Variants in SCARB2 observed in about 807,000 individuals in gnomAD.
The protein encoded by SCARB2 is scavenger receptor class B member 2, also known as lysosome membrane protein 2.
Under a neutral mutation model 58.6 loss-of-function variants are expected in SCARB2, and 29 were observed. The ratio of observed to expected loss-of-function variants is 0.49; its 90% CI spans 0.37 to 0.67. The LOEUF is 0.67. SCARB2 is among the 30% of genes least tolerant of loss of function. The probability of loss-of-function intolerance (pLI) is 0.00; values close to 1 mark genes in which losing one functional copy is unlikely to be tolerated. For missense variants in SCARB2, 488 were observed against 578.5 expected, an observed-to-expected ratio of 0.84 and a Z score of 1.60; for synonymous variants, 195 against 210.1, an observed-to-expected ratio of 0.93 and a Z score of 0.62.
chr4:76,231,121 T>C lies in SCARB2; in HGVS notation c.-358+3182A>G, dbSNP rs192427439. 7.4e-3 allele frequency among the ~76,000 whole-genome samples: 1,125 copies of C among 152,280 alleles called. 7 individuals are homozygous for C. Among genetic ancestry groups the C allele is most frequent in the Middle Eastern group, 0.02 (6 of 294 alleles). On this transcript the variant is annotated intron_variant, in intron 1 of 11. Coordinates refer to the SCARB2 transcript ENST00000638295. ...ACCGTAGAACTGAGTCCTCCTCCAA[T>C]AAGGGAGAGGAAAGGATGTCTTGTG... is the stretch of plus-strand genomic sequence containing the variant.
intron 9 of SCARB2, 150 bp downstream of exon 9, chr4:76,168,253 A>T: frequency 2.8e-6 from 2 of 719,860 alleles, no homozygotes; most frequent in South Asian, 3.0e-5. Context: ...AGACCAAGGC[A>T]CCCATGAAAA....
intron 3 of SCARB2, chr4:76,180,056 A>ACGGCG: frequency 3.2e-6 from 1 of 315,398 alleles, no homozygotes; most frequent in South Asian, 3.0e-5. Context: ...GGCTCATTAT[A>ACGGCG]AACCCGACCT....
At chr4:76,205,144 A>G (rs1435961269) in intron 1 of SCARB2, among the ~76,000 whole-genome samples, 3 of 152,098 alleles carry the variant, frequency 2.0e-5, no homozygotes, top group South Asian at 4.1e-4. Context: ...TGGGCAACAC[A>G]GCAAGACCCC....
Position 76,159,563 on chromosome 4 carries a change from A to G in SCARB2, c.*2150T>C, listed in dbSNP as rs1328817937. 2.0e-5 allele frequency: 3 copies of G among 152,252 alleles called. No individual in the cohort carries two copies. The highest frequency in any genetic ancestry group is 7.2e-5 in the African/African-American group (3 of 41,440). 9.4% of individuals were successfully genotyped at this position (152,252 alleles called of 1,614,324 possible). On this transcript the variant is annotated 3_prime_UTR_variant, in exon 12 of 12. Transcript: ENST00000264896. ...ATGGTGAAACCCCGTCTCCACTAAA[A>G]ATACAAAATTTAGCTGGGCGTGGTG...
intron 7 of SCARB2, among the ~76,000 whole-genome samples, chr4:76,170,842 C>T (rs533443299): frequency 4.0e-4 from 61 of 151,802 alleles, no homozygotes; most frequent in African/African-American, 1.4e-3. Context: ...TAAGAGTTAG[C>T]CTGGTTGTGC....
chr4:76,176,309 G>T lies in SCARB2; in HGVS notation c.704+128C>A, dbSNP rs1732250422. 16 of 654,658 alleles carry T rather than the reference G, an allele frequency of 2.4e-5. No homozygotes were observed. The South Asian group carries it at 3.0e-4, about 12-fold the overall frequency. 40.6% of individuals were successfully genotyped at this position (654,658 alleles called of 1,614,324 possible). ...TTGATTTGTAGAATAATAATTACAA[G>T]ACTATTTACATGTTTTTATATTTTT... On this transcript the variant is annotated intron_variant, in intron 5 of 11. Transcript: ENST00000264896.
At chr4:76,206,225 G>C (rs1214942574) in intron 1 of SCARB2, among the ~76,000 whole-genome samples, 1 of 152,156 alleles carries the variant, frequency 6.6e-6, no homozygotes, top group African/African-American at 2.4e-5. Flanking sequence ...CTAGCCTCCA[G>C]AACTGTAAGA....
At chr4:76,186,239 G>A (rs1732482667) in intron 2 of SCARB2, among the ~76,000 whole-genome samples, 1 of 152,006 alleles carries the variant, frequency 6.6e-6, no homozygotes, top group South Asian at 2.1e-4. Flanking sequence ...TTCTGCAGGT[G>A]GGAGGGTGAA....
chr4:76,207,393 T>C (rs972900072), intron 1 of SCARB2, among the ~76,000 whole-genome samples: 2 of 152,190 alleles, frequency 1.3e-5, no homozygotes, highest in African/African-American at 2.4e-5. Context: ...GGAGTTTAAA[T>C]TGGATTATAA....
At chr4:76,216,048 T>C (rs950703028), upstream of SCARB2, among the ~76,000 whole-genome samples, 2 of 152,126 alleles carry the variant, frequency 1.3e-5, no homozygotes, top group Non-Finnish European at 2.9e-5. Context: ...TGTGTTCAAA[T>C]AGAACCTGGT....
At chr4:76,215,000 G>A (rs1009107149), upstream of SCARB2, among the ~76,000 whole-genome samples, 2 of 152,212 alleles carry the variant, frequency 1.3e-5, no homozygotes, top group African/African-American at 4.8e-5. Flanking sequence ...ATTGGGGTGG[G>A]GAATCCTTTA....
At chr4:76,201,075 T>C (rs1732820069) in intron 1 of SCARB2, among the ~76,000 whole-genome samples, 1 of 152,192 alleles carries the variant, frequency 6.6e-6, no homozygotes, top group South Asian at 2.1e-4. Flanking sequence ...GTCGCTGTCT[T>C]TTCCTGGTAG....
intron 1 of SCARB2, among the ~76,000 whole-genome samples, chr4:76,210,541 G>A (rs1203676049): frequency 6.6e-6 from 1 of 152,232 alleles, no homozygotes; most frequent in Non-Finnish European, 1.5e-5. Flanking sequence ...CTCTCTTCAT[G>A]AAGGCCCAAA....
intron 1 of SCARB2, among the ~76,000 whole-genome samples, chr4:76,210,330 T>C (rs1393038670): frequency 1.3e-5 from 2 of 152,198 alleles, no homozygotes; most frequent in Non-Finnish European, 2.9e-5. Context: ...AAAAAAATGT[T>C]TGATTCAGTT....
At chr4:76,161,776 A>G in intron 11 of SCARB2, 25 bp from the exon 12 acceptor site, 2 of 1,613,760 alleles carry the variant, frequency 1.2e-6, no homozygotes, top group Non-Finnish European at 1.7e-6. Context: ...AGAGAAAACA[A>G]GTTAGATGTT....
rs150944846 is a variant in SCARB2 at position 76,195,531 on chromosome 4, A to T, written c.275+176T>A. On this transcript the variant is annotated intron_variant, in intron 2 of 11. Transcript: ENST00000264896. ...GAGACTTGGCCCAGTCTACAAAGCC[A>T]TTCTCTGCTGAGGTTTCACACACAC... 129 of 618,816 alleles carry T rather than the reference A, an allele frequency of 2.1e-4. No homozygotes were observed. In the African/African-American group the frequency reaches 2.1e-3, roughly 10 times the overall value. The allele number at this position is 618,816 out of a possible 1,614,324, so 38.3% of individuals were successfully genotyped here. A position where few individuals can be genotyped will look rare whatever the true frequency, so the allele number is the denominator to read the frequency against.
intron 1 of SCARB2, among the ~76,000 whole-genome samples, chr4:76,200,953 G>A (rs954627740): frequency 6.6e-6 from 1 of 152,096 alleles, no homozygotes; most frequent in Non-Finnish European, 1.5e-5. Flanking sequence ...ATCCATCTCA[G>A]GCTTCAGAGA....
intron 1 of SCARB2, among the ~76,000 whole-genome samples, chr4:76,223,436 G>A (rs1733343325): frequency 6.6e-6 from 1 of 152,204 alleles, no homozygotes; most frequent in African/African-American, 2.4e-5. Context: ...GCTGGGTACT[G>A]TGAGAAGACA....
intron 1 of SCARB2, 152 bp downstream of exon 1, chr4:76,213,275 G>T: frequency 1.4e-6 from 1 of 698,254 alleles, no homozygotes; most frequent in Non-Finnish European, 2.6e-6. Context: ...TTTAACCCTC[G>T]CCTACCAAGC....
Sources: gnomAD v4.1 joint callset for allele counts (sites outside exome capture counted in the v4.1 genomes callset) on GRCh38, gnomAD v4.1.1 for gene constraint, MANE v1.5 for transcripts, NCBI Gene and HGNC (gene_info 2026-07-23, HGNC 2026-07-21) for gene names.